Variants in PLS3 observed in about 807,000 individuals in gnomAD.
The protein encoded by PLS3 is plastin 3.
A neutral mutation model predicts 46.5 loss-of-function variants in PLS3; 11 were observed. The observed-to-expected ratio is 0.24, with a 90% CI of 0.15 to 0.39. The LOEUF (loss-of-function observed/expected upper bound fraction) is 0.39, where lower values mean the gene tolerates loss of function less well. Ranked by LOEUF, PLS3 falls within the 10% of genes least tolerant of loss-of-function variation. The pLI is 1.00. For synonymous variants in PLS3, 167 were observed against 162.2 expected (o/e 1.03, Z -0.22); for missense variants, 308 against 461.8 (o/e 0.67, Z 3.05).
chrX:115,635,115 C>T, intron 7 of PLS3, 69 bp downstream of exon 7: 1 of 937,002 alleles, frequency 1.1e-6, no homozygotes, highest in Non-Finnish European at 1.5e-6. Context: ...GACTTTCGTG[C>T]TCTCACTTAA....
At chrX:115,627,635 C>T (rs990958113) in intron 3 of PLS3, among the ~76,000 whole-genome samples, 19 of 112,192 alleles carry the variant, frequency 1.7e-4, no homozygotes, top group Non-Finnish European at 2.8e-4. Flanking sequence ...TGCGTAAGCT[C>T]CATACTGTTG....
chrX:115,564,006 A>G (rs2074156414), intron 1 of PLS3, among the ~76,000 whole-genome samples: 1 of 112,102 alleles, frequency 8.9e-6, no homozygotes, highest in South Asian at 3.7e-4. Context: ...TCTAAACAGA[A>G]TCATCGCTAG....
At chrX:115,597,123 C>T (rs972862590) in intron 1 of PLS3, among the ~76,000 whole-genome samples, 13 of 109,297 alleles carry the variant, frequency 1.2e-4, no homozygotes, top group African/African-American at 2.7e-4. Context: ...CCAGCCTGGG[C>T]GACAGAGTGA....
At chrX:115,648,934 GT>G (rs1238893192) in intron 15 of PLS3, among the ~76,000 whole-genome samples, 1 of 111,156 alleles carries the variant, frequency 9.0e-6, no homozygotes, top group Non-Finnish European at 1.9e-5. Flanking sequence ...ACCTTTTCTA[GT>G]TTTTGGTCCA....
intron 8 of PLS3, among the ~76,000 whole-genome samples, chrX:115,638,703 A>T (rs1357401801): frequency 1.9e-5 from 2 of 102,976 alleles, no homozygotes; most frequent in Non-Finnish European, 3.9e-5. Context: ...TTTATTTTTT[A>T]AATTATTTTT....
At chrX:115,617,458 CATT>C (rs782443816) in intron 2 of PLS3, among the ~76,000 whole-genome samples, 33 of 112,108 alleles carry the variant, frequency 2.9e-4, no homozygotes, top group African/African-American at 4.5e-4. Flanking sequence ...GTATTTCTGT[CATT>C]GTTGTTTAGT....
intron 1 of PLS3, among the ~76,000 whole-genome samples, chrX:115,575,359 A>T (rs1001659866): frequency 4.5e-5 from 5 of 112,273 alleles, no homozygotes; most frequent in Non-Finnish European, 7.5e-5. Context: ...TGCTGACAAG[A>T]TAACATTTCA....
At chrX:115,601,810 G>A (rs1305710339) in intron 1 of PLS3, among the ~76,000 whole-genome samples, 1 of 111,477 alleles carries the variant, frequency 9.0e-6, no homozygotes, top group Non-Finnish European at 1.9e-5. Flanking sequence ...ACAGAGGAAA[G>A]TGGGAAAGTT....
At chrX:115,577,338 C>T (rs894919396) in intron 1 of PLS3, among the ~76,000 whole-genome samples, 1 of 111,561 alleles carries the variant, frequency 9.0e-6, no homozygotes, top group African/African-American at 3.3e-5. Flanking sequence ...CATATTCAAC[C>T]CAGAGTAGTC....
intron 1 of PLS3, among the ~76,000 whole-genome samples, chrX:115,591,484 T>G: frequency 8.9e-6 from 1 of 111,877 alleles, no homozygotes; most frequent in Middle Eastern, 4.6e-3. Context: ...AAGAATTACA[T>G]ATTTAAAACA....
chrX:115,643,549 G>A (rs782783239), intron 10 of PLS3, 41 bp downstream of exon 10: 1 of 769,100 alleles, frequency 1.3e-6, no homozygotes, highest in East Asian at 3.2e-5. Flanking sequence ...GGACTATAGA[G>A]TAGAAATACA....
At chrX:115,631,799 G>T (rs1299607070) in intron 5 of PLS3, among the ~76,000 whole-genome samples, 4 of 110,896 alleles carry the variant, frequency 3.6e-5, no homozygotes, top group African/African-American at 9.8e-5. Flanking sequence ...AATTTCCCAT[G>T]TGTGTGTTTT....
chrX:115,634,987 T>C lies in PLS3; in HGVS notation c.689T>C (p.Leu230Pro), dbSNP rs782395250. ...GGGAAACCTCATCTGGTTTTGGGAC[T>C]GCTTTGGCAGATCATTAAGATCGGT... Reference protein sequence around the residue: ...RAGKPHLVLGLLWQIIKIGLF... With the variant: ...RAGKPHLVLGPLWQIIKIGLF... Residue 230 changes from leucine to proline, a missense_variant, in exon 7 of 16, where the codon CTG becomes CCG. By Grantham distance (98) the Leu-to-Pro change is moderately conservative. Around this residue, in one of 2 missense-constraint regions of PLS3, gnomAD observed 271 missense variants for 435.7 expected, o/e 0.62. Transcript: ENST00000355899. 4 of 1,209,108 alleles carry C rather than the reference T, an allele frequency of 3.3e-6. No individual in the cohort carries two copies. The African/African-American group carries it at 7.0e-5, about 21-fold the overall frequency.
chrX:115,569,035 C>CA (rs782042707), intron 1 of PLS3, among the ~76,000 whole-genome samples: 1,435 of 94,205 alleles, frequency 0.015, 47 homozygotes, highest in African/African-American at 0.061. Context: ...GACTCCGTTT[C>CA]AAAAAAAAAA....
intron 1 of PLS3, among the ~76,000 whole-genome samples, chrX:115,580,028 G>C (rs2074271560): frequency 9.0e-6 from 1 of 111,703 alleles, no homozygotes; most frequent in Non-Finnish European, 1.9e-5. Flanking sequence ...CCTTTTGTCT[G>C]TTTTCTAATT....
rs140069545 is a variant in PLS3, at chrX:115,647,583, T to C, written c.1545T>C (p.Asp515=). The C allele has an allele frequency of 8.7e-5, 104 of 1,202,007 alleles. No individual in the cohort carries two copies. Among genetic ancestry groups the C allele is most frequent in the Non-Finnish European group, 1.1e-4 (100 of 887,675 alleles). ...TCAATGTCCTGGAAGATCTTGGAGA[T>C]GGTCAGAAAGCCAATGACGACATCA... ...YTLNVLEDLG[D]GQKANDDIIV... The change falls in exon 14 of 16, where the codon GAT becomes GAC. Residue 515 remains aspartate, a synonymous_variant. Transcript: ENST00000355899.
chrX:115,588,619 C>T (rs1201480192), intron 1 of PLS3, among the ~76,000 whole-genome samples: 1 of 111,715 alleles, frequency 9.0e-6, no homozygotes, highest in Non-Finnish European at 1.9e-5. Flanking sequence ...CATGTGTCAC[C>T]AAACTCTTTG....
At chrX:115,578,422 C>G (rs1469719720) in intron 1 of PLS3, among the ~76,000 whole-genome samples, 2 of 111,266 alleles carry the variant, frequency 1.8e-5, no homozygotes, top group Non-Finnish European at 3.8e-5. Context: ...GAAGTTATGT[C>G]AAAAAAGTTT....
intron 9 of PLS3, 136 bp downstream of exon 9, chrX:115,640,639 T>G (rs2074885478): frequency 7.7e-6 from 3 of 388,965 alleles, no homozygotes; most frequent in African/African-American, 7.6e-5. Context: ...TTACTGTACA[T>G]GTAATTCAGA....
Sources: allele counts gnomAD v4.1 joint callset (sites outside exome capture counted in the v4.1 genomes callset), GRCh38; gene constraint gnomAD v4.1.1; regional missense constraint gnomAD v4.1.1; transcripts MANE v1.5; gene names NCBI Gene and HGNC (gene_info 2026-07-23, HGNC 2026-07-21).